Variants in PCDHGB2 observed in about 807,000 individuals in gnomAD.
The protein encoded by PCDHGB2 is protocadherin gamma subfamily B, 2.
PCDHGB2 carries 55 observed loss-of-function variants against 59.3 expected under a neutral mutation model. The observed-to-expected ratio is 0.93, with a 90% CI of 0.75 to 1.16. The LOEUF is 1.16. PCDHGB2 is among the 50% of genes most tolerant of loss of function. The pLI is 0.00. For synonymous variants in PCDHGB2, 516 were observed against 512.0 expected (o/e 1.01, Z -0.11); for missense variants, 1,228 against 1,198.5 (o/e 1.02, Z -0.36).
intron 1 of PCDHGB2, among the ~76,000 whole-genome samples, chr5:141,459,111 A>G (rs2098961190): frequency 1.3e-5 from 2 of 152,218 alleles, no homozygotes; most frequent in Non-Finnish European, 2.9e-5. Flanking sequence ...CATTTTGACA[A>G]TTGTTTACAT....
rs1554136305 is a variant in PCDHGB2, at chr5:141,450,006, CT to C, written c.2422-44783del. Reference sequence around the variant, plus strand: ...CACATTGCATTTAGTTGCCATGTCTCTTTTTTTTTTTTTTTTTTGAGACAGG... The same window carrying C: ...CACATTGCATTTAGTTGCCATGTCTCTTTTTTTTTTTTTTTTTGAGACAGG... On this transcript the variant is annotated intron_variant, in intron 1 of 3. Coordinates refer to ENST00000522605, the MANE Select transcript of PCDHGB2 (RefSeq NM_018923.3). Among the ~76,000 whole-genome samples, 140 of 132,944 alleles carry C rather than the reference CT, an allele frequency of 1.1e-3. 2 individuals are homozygous for C. In the Middle Eastern group the frequency reaches 0.016, roughly 15 times the overall value. 87.2% of individuals were successfully genotyped at this position (132,944 alleles called of 152,430 possible). A position where few individuals can be genotyped will look rare whatever the true frequency, so the allele number is the denominator to read the frequency against.
At position 141,486,641 on chromosome 5, in the gene PCDHGB2, A is replaced by C; in HGVS notation, c.2422-8166A>C. On this transcript the variant is annotated intron_variant, in intron 1 of 3. Transcript: ENST00000522605. The surrounding 1 kb of genome is among the most constrained non-coding windows in gnomAD (Gnocchi z 5.0). ...CCCAGACTCTGGCTTGAATGCGCTTATCTCCTACTCACTCCTGGAGCCCAG... is the reference window on the plus strand; with the variant it reads ...CCCAGACTCTGGCTTGAATGCGCTTCTCTCCTACTCACTCCTGGAGCCCAG... 6.2e-7 allele frequency: 1 copy of C among 1,613,734 alleles called. No individual in the cohort carries two copies. The highest frequency in any genetic ancestry group is 1.6e-4 in the Middle Eastern group (1 of 6,062).
intron 1 of PCDHGB2, chr5:141,373,979 C>A: frequency 9.0e-7 from 1 of 1,107,704 alleles, no homozygotes; most frequent in Non-Finnish European, 1.2e-6. Context: ...CGCATCCGGT[C>A]TCTGCTTGTT....
At position 141,431,178 on chromosome 5, in the gene PCDHGB2, T is replaced by A; in HGVS notation, c.2422-63629T>A. 2 of 1,614,078 alleles carry A rather than the reference T, an allele frequency of 1.2e-6. No individual in the cohort carries two copies. Among genetic ancestry groups the A allele is most frequent in the Non-Finnish European group, 1.7e-6 (2 of 1,180,000 alleles). On this transcript the variant is annotated intron_variant, in intron 1 of 3. Coordinates refer to ENST00000522605, the MANE Select transcript of PCDHGB2 (RefSeq NM_018923.3). This position sits in a 1 kb window ranked among gnomAD's most constrained non-coding sequence, Gnocchi z 4.8. ...TACTTTCGTGAAAGTGAATTAGAAATAAAAATTAGTGAAAATGCAGCCACT... is the reference window on the plus strand; with the variant it reads ...TACTTTCGTGAAAGTGAATTAGAAAAAAAAATTAGTGAAAATGCAGCCACT...
intron 1 of PCDHGB2, among the ~76,000 whole-genome samples, chr5:141,482,689 C>T (rs145383957): frequency 7.1e-6 from 1 of 140,984 alleles, no homozygotes; most frequent in East Asian, 1.9e-4. Flanking sequence ...GCTTGTCAGA[C>T]AGTAAAGGGG....
rs545310006 is a variant in PCDHGB2 at position 141,395,123 on chromosome 5, T to C, written c.2421+32567T>C. ...ACTCGCGGAAGAGTCACCTGATCTTTCCCCAGCCCAACTACGCAGACATGC... is the reference window on the plus strand; with the variant it reads ...ACTCGCGGAAGAGTCACCTGATCTTCCCCCAGCCCAACTACGCAGACATGC... On this transcript the variant is annotated intron_variant, in intron 1 of 3. Coordinates refer to ENST00000522605, the MANE Select transcript of PCDHGB2 (RefSeq NM_018923.3). 2.5e-6 allele frequency: 4 copies of C among 1,614,148 alleles called. No homozygotes were observed. In the Admixed American group the frequency reaches 6.7e-5, roughly 27 times the overall value.
chr5:141,458,873 C>T (rs1278498446), intron 1 of PCDHGB2, among the ~76,000 whole-genome samples: 2 of 152,148 alleles, frequency 1.3e-5, no homozygotes, highest in African/African-American at 4.8e-5. Context: ...GCTGGGACTA[C>T]AGGCATGCAC....
intron 1 of PCDHGB2, among the ~76,000 whole-genome samples, chr5:141,479,789 T>C (rs888217885): frequency 3.3e-5 from 5 of 152,196 alleles, no homozygotes; most frequent in Non-Finnish European, 2.9e-5. Flanking sequence ...AAAGCATTCA[T>C]TAATTCAGGG....
At position 141,508,670 on chromosome 5, in the gene PCDHGB2, C is replaced by A. The variant is rs184838473; in HGVS notation, c.2570-2277C>A. The stretch of plus-strand genomic sequence containing the variant: ...GGCCCTTCCTGTCATTCTGTCTCTG[C>A]CTCCCTTCTCCCTGCTTCTCCGTGT... On this transcript the variant is annotated intron_variant, in intron 3 of 3. Coordinates refer to ENST00000522605, the MANE Select transcript of PCDHGB2 (RefSeq NM_018923.3). Among the ~76,000 whole-genome samples the A allele has an allele frequency of 3.7e-3, 564 of 152,202 alleles. 5 individuals are homozygous for A. The highest frequency in any genetic ancestry group is 0.011 in the Admixed American group (164 of 15,294).
At chr5:141,443,321 A>AC (rs1175439570) in intron 1 of PCDHGB2, among the ~76,000 whole-genome samples, 1 of 151,616 alleles carries the variant, frequency 6.6e-6, no homozygotes, top group African/African-American at 2.4e-5. Flanking sequence ...TCTCTACAAA[A>AC]AAAAAAAACA....
chr5:141,416,109 A>C (rs1365438751), intron 1 of PCDHGB2: 5 of 157,286 alleles, frequency 3.2e-5, no homozygotes, highest in African/African-American at 1.2e-4. Context: ...GCCTTTTTCA[A>C]ACTACATTTT....
chr5:141,393,381 A>G, intron 1 of PCDHGB2: 3 of 1,614,022 alleles, frequency 1.9e-6, no homozygotes, highest in South Asian at 1.1e-5. Flanking sequence ...CAATGGAGCC[A>G]TAAACCCAGA....
chr5:141,502,864 G>T (rs1595824348), intron 2 of PCDHGB2, among the ~76,000 whole-genome samples: 4 of 61,548 alleles, frequency 6.5e-5, no homozygotes, highest in African/African-American at 2.4e-4. Flanking sequence ...CTGACTCTCT[G>T]TCTTTTTTTT....
intron 1 of PCDHGB2, chr5:141,364,990 G>C (rs1363998069): frequency 1.2e-6 from 2 of 1,613,862 alleles, no homozygotes; most frequent in Admixed American, 1.7e-5. Flanking sequence ...GCGGAGACCC[G>C]GTACTCTCCG....
chr5:141,503,812 G>C (rs2099831825), intron 2 of PCDHGB2, among the ~76,000 whole-genome samples: 1 of 152,114 alleles, frequency 6.6e-6, no homozygotes, highest in South Asian at 2.1e-4. Context: ...GGGAATCCCA[G>C]ATTGGGCAAA....
At chr5:141,395,036 G>A in intron 1 of PCDHGB2, 2 of 1,614,110 alleles carry the variant, frequency 1.2e-6, no homozygotes, top group Non-Finnish European at 8.5e-7. Context: ...CACATTTTGT[G>A]GGTGTTGAGG....
At chr5:141,450,460 TTATA>T (rs1234300844) in intron 1 of PCDHGB2, among the ~76,000 whole-genome samples, 1 of 152,104 alleles carries the variant, frequency 6.6e-6, no homozygotes, top group Non-Finnish European at 1.5e-5. Flanking sequence ...CCTCGTGATT[TTATA>T]TATAGAGTTT....
intron 1 of PCDHGB2, among the ~76,000 whole-genome samples, chr5:141,457,836 C>T (rs1418402508): frequency 6.6e-6 from 1 of 152,202 alleles, no homozygotes; most frequent in African/African-American, 2.4e-5. Context: ...GCTTCCAGAC[C>T]TGTTAGAAAG....
In PCDHGB2 at chr5:141,476,762, G is replaced by A. The variant is rs1338892879; in HGVS notation, c.2422-18045G>A. The A allele has an allele frequency of 6.2e-7, 1 of 1,613,848 alleles. No individual in the cohort carries two copies. ...GCCTAGTCTCCAGTTAGTGCTGACG[G>A]CGTTGGACGGAGGGACCCCAGCTCT... On this transcript the variant is annotated intron_variant, in intron 1 of 3. Coordinates refer to ENST00000522605, the MANE Select transcript of PCDHGB2 (RefSeq NM_018923.3). The surrounding 1 kb of genome is among the most constrained non-coding windows in gnomAD (Gnocchi z 7.6).
Sources: allele counts gnomAD v4.1 joint callset (sites outside exome capture counted in the v4.1 genomes callset), GRCh38; gene constraint gnomAD v4.1.1; non-coding constraint Gnocchi (gnomAD v3.1); transcripts MANE v1.5; gene names NCBI Gene and HGNC (gene_info 2026-07-23, HGNC 2026-07-21).